PTPRT: variants seen among roughly 807,000 people sequenced by gnomAD.
The protein encoded by PTPRT is receptor-type tyrosine-protein phosphatase T.
A neutral mutation model predicts 176.8 loss-of-function variants in PTPRT; 56 were observed. The observed-to-expected ratio is 0.32, with a 90% CI of 0.26 to 0.40. PTPRT has a LOEUF of 0.40. PTPRT is among the 10% of genes least tolerant of loss of function. PTPRT has a pLI of 1.00. For missense variants in PTPRT, 1,540 were observed against 1,908.2 expected, an observed-to-expected ratio of 0.81 and a Z score of 3.60; for synonymous variants, 783 against 739.0, an observed-to-expected ratio of 1.06 and a Z score of -0.96.
In PTPRT at chr20:42,634,008, T is replaced by C. The variant is rs1337808057; in HGVS notation, c.1153+43858A>G. On this transcript the variant is annotated intron_variant, in intron 7 of 30. Transcript: ENST00000373187. The stretch of plus-strand genomic sequence containing the variant: ...TATTATATTATATATATTATATATA[T>C]ATAATATATATATAATATATATATT... Among the ~76,000 whole-genome samples, 3 of 13,690 alleles carry C rather than the reference T, an allele frequency of 2.2e-4. No homozygotes were observed. In the East Asian group the frequency reaches 6.4e-3, roughly 29 times the overall value. The allele number at this position is 13,690 out of a possible 152,430, so 9.0% of individuals were successfully genotyped here. A position where few individuals can be genotyped will look rare whatever the true frequency, so the allele number is the denominator to read the frequency against.
chr20:42,200,384 A>G (rs1023610551), intron 15 of PTPRT, among the ~76,000 whole-genome samples: 1 of 152,218 alleles, frequency 6.6e-6, no homozygotes, highest in African/African-American at 2.4e-5. Flanking sequence ...CCTCGCACAT[A>G]GTGGACACTA....
chr20:43,151,524 T>A (rs964400205), intron 1 of PTPRT, among the ~76,000 whole-genome samples: 1 of 152,060 alleles, frequency 6.6e-6, no homozygotes, highest in African/African-American at 2.4e-5. Context: ...CATGTAGCCT[T>A]ACTTTTCTAG....
At chr20:42,644,070 C>T (rs1401943216) in intron 7 of PTPRT, among the ~76,000 whole-genome samples, 2 of 152,108 alleles carry the variant, frequency 1.3e-5, no homozygotes, top group Non-Finnish European at 2.9e-5. Flanking sequence ...AAGAGACCCG[C>T]AGAAAACCAA....
intron 19 of PTPRT, among the ~76,000 whole-genome samples, chr20:42,123,237 T>C (rs760540980): frequency 2.0e-5 from 3 of 152,188 alleles, no homozygotes; most frequent in East Asian, 3.9e-4. Flanking sequence ...TTCAGTGAGA[T>C]AACATTTTGA....
chr20:42,658,124 T>C (rs1438988612), intron 7 of PTPRT, among the ~76,000 whole-genome samples: 1 of 152,170 alleles, frequency 6.6e-6, no homozygotes, highest in African/African-American at 2.4e-5. Context: ...TACTGAATAT[T>C]GAACCCATGG....
chr20:42,376,648 G>A (rs1030172305), intron 9 of PTPRT, among the ~76,000 whole-genome samples: 2 of 152,124 alleles, frequency 1.3e-5, no homozygotes, highest in Non-Finnish European at 2.9e-5. Context: ...CTCAGACTTG[G>A]GTGTTGGGCG....
chr20:42,945,367 T>C (rs1980816667), intron 1 of PTPRT, among the ~76,000 whole-genome samples: 4 of 152,166 alleles, frequency 2.6e-5, no homozygotes, highest in Non-Finnish European at 5.9e-5. Flanking sequence ...ATAGTTTATC[T>C]CTGTTCTGGA....
the PTPRT span, among the ~76,000 whole-genome samples, chr20:42,054,218 G>C: frequency 6.6e-6 from 1 of 152,178 alleles, no homozygotes; most frequent in Non-Finnish European, 1.5e-5. Context: ...GGTTTAGGAG[G>C]AGTCCAGAGT....
chr20:43,058,436 A>C (rs963286933), intron 1 of PTPRT, among the ~76,000 whole-genome samples: 3 of 152,052 alleles, frequency 2.0e-5, no homozygotes, highest in Admixed American at 2.0e-4. Context: ...GAGAGAGAAA[A>C]GAGGATGGAA....
At position 42,677,904 on chromosome 20, in the gene PTPRT, G is replaced by A. The variant is rs751487270; in HGVS notation, c.1115C>T (p.Pro372Leu). 3.9e-5 allele frequency: 63 copies of A among 1,613,854 alleles called. No homozygotes were observed. Among genetic ancestry groups the A allele is most frequent in the South Asian group, 3.4e-4 (31 of 91,074 alleles). Residue 372 changes from proline to leucine, a missense_variant, in exon 7 of 31, where the codon CCG (proline) becomes CTG (leucine). By Grantham distance (98) the Pro-to-Leu change is moderately conservative. Coordinates refer to ENST00000373187, the MANE Select transcript of PTPRT (RefSeq NM_007050.6). ...LTRPGEGGTG[P>L]PGPPLTTRTK... The stretch of plus-strand genomic sequence containing the variant: ...CCTGGTGGTGAGGGGAGGCCCTGGC[G>A]GTCCCGTACCCCCCTCACCTGGTCG...
intron 24 of PTPRT, 78 bp downstream of exon 24, chr20:42,106,708 T>A: frequency 6.5e-7 from 1 of 1,546,478 alleles, no homozygotes; most frequent in South Asian, 1.2e-5. Context: ...CCTACCTATG[T>A]GTCTCTCCGT....
At chr20:42,463,785 T>G (rs1029753546) in intron 8 of PTPRT, among the ~76,000 whole-genome samples, 7 of 152,202 alleles carry the variant, frequency 4.6e-5, no homozygotes, top group African/African-American at 1.7e-4. Context: ...TCTCTCCACT[T>G]CAGTTGCCAT....
chr20:42,931,304 G>A (rs1322817955), intron 1 of PTPRT, among the ~76,000 whole-genome samples: 1 of 152,152 alleles, frequency 6.6e-6, no homozygotes, highest in Non-Finnish European at 1.5e-5. Flanking sequence ...CTTTCTCTTT[G>A]TACACACACA....
chr20:42,094,149 C>A (rs1042361860), intron 27 of PTPRT, among the ~76,000 whole-genome samples: 2 of 152,176 alleles, frequency 1.3e-5, no homozygotes, highest in African/African-American at 4.8e-5. Context: ...TGAAAGTCAT[C>A]CTCTGTGCCT....
intron 8 of PTPRT, among the ~76,000 whole-genome samples, chr20:42,457,691 G>T (rs1161243786): frequency 6.6e-6 from 1 of 152,176 alleles, no homozygotes; most frequent in Non-Finnish European, 1.5e-5. Context: ...TGGGGCAGTG[G>T]TATGAGGGGC....
intron 7 of PTPRT, among the ~76,000 whole-genome samples, chr20:42,569,961 G>T (rs2073125767): frequency 6.6e-6 from 1 of 152,184 alleles, no homozygotes; most frequent in Admixed American, 6.5e-5. Flanking sequence ...TGTTACAGAA[G>T]AAGACACTGA....
chr20:42,434,304 C>A (rs78624678), intron 9 of PTPRT, among the ~76,000 whole-genome samples: 2,183 of 150,706 alleles, frequency 0.014, 17 homozygotes, highest in Non-Finnish European at 0.022. Flanking sequence ...GTTGCCTTAA[C>A]CTTGACTCAA....
At chr20:42,726,057 TTTATTATTATTATTA>T (rs59329244) in intron 6 of PTPRT, among the ~76,000 whole-genome samples, 13,627 of 142,238 alleles carry the variant, frequency 0.096, 725 homozygotes, top group East Asian at 0.2. Context: ...TGTGGGCATC[TTTATTATTATTATTA>T]TTATTATTAT....
At chr20:42,681,597 C>T (rs2146082352) in intron 6 of PTPRT, among the ~76,000 whole-genome samples, 1 of 152,308 alleles carries the variant, frequency 6.6e-6, no homozygotes, top group Admixed American at 6.5e-5. Flanking sequence ...CATTCATTCA[C>T]TCGTTCTATG....
Sources: gnomAD v4.1 joint callset for allele counts (sites outside exome capture counted in the v4.1 genomes callset) on GRCh38, gnomAD v4.1.1 for gene constraint, MANE v1.5 for transcripts, NCBI Gene and HGNC (gene_info 2026-07-23, HGNC 2026-07-21) for gene names.